CDH8: variants seen among roughly 807,000 people sequenced by gnomAD.
CDH8 encodes cadherin 8, also known as cadherin-8.
A neutral mutation model predicts 68.1 loss-of-function variants in CDH8; 17 were observed. That is an observed-to-expected ratio of 0.25 (90% CI 0.17 to 0.37). The LOEUF (loss-of-function observed/expected upper bound fraction) is 0.37. Ranked by LOEUF, CDH8 falls within the 10% of genes least tolerant of loss-of-function variation. The pLI is 1.00. For missense variants in CDH8, 763 were observed against 999.3 expected, an observed-to-expected ratio of 0.76 and a Z score of 3.19; for synonymous variants, 372 against 365.1, an observed-to-expected ratio of 1.02 and a Z score of -0.21.
intron 2 of CDH8, among the ~76,000 whole-genome samples, chr16:61,903,809 A>G (rs1373431387): frequency 6.6e-6 from 1 of 152,218 alleles, no homozygotes; most frequent in Non-Finnish European, 1.5e-5. Context: ...GAGAAGAGGC[A>G]CTATTAAGTG....
chr16:61,942,787 T>G (rs1334445726), intron 2 of CDH8, among the ~76,000 whole-genome samples: 1 of 152,020 alleles, frequency 6.6e-6, no homozygotes, highest in East Asian at 1.9e-4. Context: ...AAACACCAGT[T>G]CCAGCTGGGC....
chr16:61,957,806 T>C (rs1233346572), intron 2 of CDH8, among the ~76,000 whole-genome samples: 3 of 152,138 alleles, frequency 2.0e-5, no homozygotes, highest in Admixed American at 6.6e-5. Flanking sequence ...ATCCCGCCTC[T>C]GCTGACCACC....
intron 2 of CDH8, among the ~76,000 whole-genome samples, chr16:61,973,977 C>T (rs1486444147): frequency 6.6e-6 from 1 of 152,124 alleles, no homozygotes; most frequent in Non-Finnish European, 1.5e-5. Context: ...AACCCTGTGC[C>T]TACAATAAAC....
intron 2 of CDH8, among the ~76,000 whole-genome samples, chr16:61,982,837 A>G (rs1429779969): frequency 6.6e-6 from 1 of 152,178 alleles, no homozygotes; most frequent in Non-Finnish European, 1.5e-5. Context: ...ATAAAATAAA[A>G]CAGCATATCC....
rs956267324 is a variant in CDH8, at chr16:61,916,630, A to G, written c.253-15157T>C. On this transcript the variant is annotated intron_variant, in intron 2 of 11. Transcript: ENST00000577390. Reference sequence around the variant, plus strand: ...CTCTTTAAACTTTTTTGTATTGATTAGATATGCTAGTTTTATTTGCAATGA... The same window carrying G: ...CTCTTTAAACTTTTTTGTATTGATTGGATATGCTAGTTTTATTTGCAATGA... Among the ~76,000 whole-genome samples the G allele has an allele frequency of 3.8e-4, 58 of 152,328 alleles. 1 individual carries two copies. Among genetic ancestry groups the G allele is most frequent in the Admixed American group, 1.8e-3 (28 of 15,306 alleles).
chr16:61,855,542 A>C (rs1289747707), intron 4 of CDH8, among the ~76,000 whole-genome samples: 1 of 152,110 alleles, frequency 6.6e-6, no homozygotes, highest in African/African-American at 2.4e-5. Flanking sequence ...GCACACAGTG[A>C]ATGTGTATAG....
At chr16:61,871,981 T>C (rs2082868393) in intron 3 of CDH8, among the ~76,000 whole-genome samples, 1 of 152,146 alleles carries the variant, frequency 6.6e-6, no homozygotes, top group African/African-American at 2.4e-5. Context: ...AACTCTGCTC[T>C]GCATGAATGG....
At chr16:61,769,483 T>C (rs1960723797) in intron 8 of CDH8, among the ~76,000 whole-genome samples, 1 of 151,664 alleles carries the variant, frequency 6.6e-6, no homozygotes, top group South Asian at 2.1e-4. Flanking sequence ...CCTTTCTGTC[T>C]AAATCTGTGC....
chr16:61,815,061 TG>T (rs1179547647), intron 7 of CDH8, among the ~76,000 whole-genome samples: 2 of 152,204 alleles, frequency 1.3e-5, no homozygotes, highest in African/African-American at 4.8e-5. Flanking sequence ...GTCCCTTCTT[TG>T]GGTAGAACCA....
intron 2 of CDH8, among the ~76,000 whole-genome samples, chr16:61,994,767 A>G (rs1965781857): frequency 6.6e-6 from 1 of 152,162 alleles, no homozygotes; most frequent in East Asian, 1.9e-4. Context: ...ATCCTCCTAC[A>G]TGATTCTGAT....
chr16:62,029,236 T>G (rs945049170), intron 1 of CDH8, among the ~76,000 whole-genome samples: 4 of 152,230 alleles, frequency 2.6e-5, no homozygotes, highest in Non-Finnish European at 5.9e-5. Flanking sequence ...ATTTATTGGA[T>G]GTTTCGAGTG....
chr16:61,844,209 A>T (rs1962751036), intron 4 of CDH8, among the ~76,000 whole-genome samples: 2 of 142,862 alleles, frequency 1.4e-5, no homozygotes, highest in South Asian at 4.4e-4. Context: ...TCTCACTCAT[A>T]GGTGGGAATT....
chr16:61,886,826 T>G (rs2143166141), intron 3 of CDH8, among the ~76,000 whole-genome samples: 1 of 152,274 alleles, frequency 6.6e-6, no homozygotes, highest in East Asian at 1.9e-4. Context: ...ATACCTGCGG[T>G]TGAGACTAAT....
intron 4 of CDH8, among the ~76,000 whole-genome samples, chr16:61,848,724 C>T (rs1240300124): frequency 1.3e-5 from 2 of 151,958 alleles, no homozygotes; most frequent in Non-Finnish European, 2.9e-5. Context: ...TGAGCGGACA[C>T]CTATTAGAAA....
At chr16:61,736,982 T>A (rs1959704861) in intron 8 of CDH8, among the ~76,000 whole-genome samples, 1 of 152,190 alleles carries the variant, frequency 6.6e-6, no homozygotes, top group South Asian at 2.1e-4. Flanking sequence ...GTCAGGCGGT[T>A]TTCACATATG....
chr16:61,809,059 G>A (rs1479407772), intron 7 of CDH8, among the ~76,000 whole-genome samples: 4 of 152,080 alleles, frequency 2.6e-5, no homozygotes, highest in Admixed American at 2.6e-4. Flanking sequence ...GGTGGCCCAT[G>A]CCTGTAATCC....
intron 8 of CDH8, among the ~76,000 whole-genome samples, chr16:61,776,788 C>G (rs919518194): frequency 6.6e-6 from 1 of 151,842 alleles, no homozygotes; most frequent in African/African-American, 2.4e-5. Flanking sequence ...AAGATTATAG[C>G]TCTTAAATAT....
chr16:61,728,182 A>C (rs1261376314), intron 8 of CDH8, among the ~76,000 whole-genome samples: 2 of 151,040 alleles, frequency 1.3e-5, no homozygotes, highest in Non-Finnish European at 3.0e-5. Flanking sequence ...ATATGAACAA[A>C]CAGATTTTCA....
chr16:61,813,525 C>A (rs1470532945), intron 7 of CDH8, among the ~76,000 whole-genome samples: 1 of 152,178 alleles, frequency 6.6e-6, no homozygotes, highest in African/African-American at 2.4e-5. Flanking sequence ...TGGCCCAGGG[C>A]TGTGTCTGAG....
Sources: gnomAD v4.1 joint callset for allele counts (sites outside exome capture counted in the v4.1 genomes callset) on GRCh38, gnomAD v4.1.1 for gene constraint, MANE v1.5 for transcripts, NCBI Gene and HGNC (gene_info 2026-07-23, HGNC 2026-07-21) for gene names.